MYO9A: variants seen among roughly 807,000 people sequenced by gnomAD.
MYO9A encodes unconventional myosin-IXa.
MYO9A carries 103 observed loss-of-function variants against 293.3 expected under a neutral mutation model. The ratio of observed to expected loss-of-function variants is 0.35; its 90% confidence interval spans 0.30 to 0.41. The LOEUF is 0.41. Among genes scored for constraint, MYO9A ranks in the 10% least tolerant of loss-of-function variants. The pLI is 1.00. For missense variants in MYO9A, 2,685 were observed against 3,033.0 expected (o/e 0.89, Z 2.69); for synonymous variants, 1,001 against 1,035.7 (o/e 0.97, Z 0.64).
intron 1 of MYO9A, among the ~76,000 whole-genome samples, chr15:72,076,223 TA>T: frequency 6.7e-6 from 1 of 150,340 alleles, no homozygotes; most frequent in Admixed American, 6.7e-5. Flanking sequence ...GAGAATCGCT[TA>T]AACCTGGGAG....
intron 39 of MYO9A, among the ~76,000 whole-genome samples, chr15:71,839,562 C>G (rs2055070205): frequency 6.6e-6 from 1 of 152,140 alleles, no homozygotes; most frequent in Non-Finnish European, 1.5e-5. Flanking sequence ...GCATGTACCA[C>G]CATGCCCAGC....
chr15:71,885,330 G>A (rs1358081585), intron 27 of MYO9A, among the ~76,000 whole-genome samples: 2 of 151,856 alleles, frequency 1.3e-5, no homozygotes. Context: ...CACAGTTGAG[G>A]GATGTAATTC....
chr15:71,990,754 CAAAA>C (rs11422716), intron 11 of MYO9A, among the ~76,000 whole-genome samples: 4 of 129,356 alleles, frequency 3.1e-5, no homozygotes, highest in Non-Finnish European at 1.6e-5. Context: ...GAGACTCAGT[CAAAA>C]AAAAAAAAAA....
intron 1 of MYO9A, among the ~76,000 whole-genome samples, chr15:72,081,707 G>A (rs867759332): frequency 1.3e-5 from 2 of 152,150 alleles, no homozygotes; most frequent in African/African-American, 4.8e-5. Context: ...TCCATCTTGA[G>A]TTAATTTTTG....
At chr15:72,042,513 A>G (rs1472583370) in intron 2 of MYO9A, among the ~76,000 whole-genome samples, 2 of 152,166 alleles carry the variant, frequency 1.3e-5, no homozygotes, top group Non-Finnish European at 2.9e-5. Context: ...ATCAAGCTCA[A>G]TGTGACAGAG....
chr15:71,849,108 G>T (rs1222364507), intron 38 of MYO9A, 140 bp from the exon 39 acceptor site: 3 of 840,570 alleles, frequency 3.6e-6, no homozygotes, highest in Non-Finnish European at 5.2e-6. Context: ...CAGAGACAAG[G>T]TTTAGAATGG....
chr15:72,002,111 GC>G (rs1258222495), intron 8 of MYO9A, among the ~76,000 whole-genome samples: 1 of 152,092 alleles, frequency 6.6e-6, no homozygotes, highest in Admixed American at 6.6e-5. Flanking sequence ...AATTTAATGT[GC>G]CTGAACTCAC....
At chr15:71,994,827 G>C (rs2076651532) in intron 9 of MYO9A, among the ~76,000 whole-genome samples, 1 of 152,190 alleles carries the variant, frequency 6.6e-6, no homozygotes, top group Admixed American at 6.6e-5. Flanking sequence ...CCGTCTCCTG[G>C]GTTCAAGTGA....
At chr15:71,878,461 T>A (rs993190028) in intron 30 of MYO9A, among the ~76,000 whole-genome samples, 3 of 152,116 alleles carry the variant, frequency 2.0e-5, no homozygotes, top group Non-Finnish European at 2.9e-5. Context: ...ACGGTAATAA[T>A]TTGAGGAAGT....
intron 32 of MYO9A, among the ~76,000 whole-genome samples, chr15:71,870,139 C>T (rs950177282): frequency 7.3e-5 from 11 of 151,528 alleles, no homozygotes; most frequent in Non-Finnish European, 1.3e-4. Flanking sequence ...GTCCTGCAAG[C>T]TAAGATGGGA....
At chr15:71,959,702 A>C in intron 14 of MYO9A, 199 bp downstream of exon 14, 1 of 569,352 alleles carries the variant, frequency 1.8e-6, no homozygotes. Context: ...TTTTAAAGGC[A>C]GTATAACTCT....
At chr15:71,956,328 A>T (rs866029122) in intron 14 of MYO9A, among the ~76,000 whole-genome samples, 871 of 15,022 alleles carry the variant, frequency 0.058, 9 homozygotes, top group Middle Eastern at 0.14. Flanking sequence ...AAAAAAAAAA[A>T]AAATATATAT....
chr15:71,834,641 G>A (rs995233701), intron 39 of MYO9A, among the ~76,000 whole-genome samples: 3 of 151,898 alleles, frequency 2.0e-5, no homozygotes, highest in African/African-American at 4.8e-5. Flanking sequence ...GCCAGGTGTG[G>A]TGGCACGTGC....
At chr15:71,910,707 C>T (rs886520242) in intron 19 of MYO9A, among the ~76,000 whole-genome samples, 1 of 152,158 alleles carries the variant, frequency 6.6e-6, no homozygotes, top group Admixed American at 6.5e-5. Flanking sequence ...TGGCATTTCC[C>T]TCATGAATAA....
At chr15:72,059,837 C>T (rs1224167458) in intron 1 of MYO9A, among the ~76,000 whole-genome samples, 2 of 152,164 alleles carry the variant, frequency 1.3e-5, no homozygotes, top group Non-Finnish European at 2.9e-5. Context: ...AGACTCAGCG[C>T]TTATTTTTTT....
In MYO9A at chr15:72,008,789, C is replaced by T. The variant is rs374676949; in HGVS notation, c.1254-837G>A. On this transcript the variant is annotated intron_variant, in intron 7 of 41. Coordinates refer to ENST00000356056, the MANE Select transcript of MYO9A (RefSeq NM_006901.4). The stretch of plus-strand genomic sequence containing the variant: ...CACAGCTAAACAATCCACTGAAAAA[C>T]TCTTCCTCAGTCTCCTTATATATAT... Among the ~76,000 whole-genome samples, 27 of 152,268 alleles carry T rather than the reference C, an allele frequency of 1.8e-4. No individual in the cohort carries two copies. In the East Asian group the frequency reaches 5.0e-3, roughly 28 times the overall value.
intron 1 of MYO9A, among the ~76,000 whole-genome samples, chr15:72,099,438 A>AAG (rs771904817): frequency 1.4e-3 from 208 of 150,248 alleles, no homozygotes; most frequent in Non-Finnish European, 2.6e-3. Flanking sequence ...AAAAAAAAAA[A>AAG]AAAAGAAAAA....
intron 9 of MYO9A, 140 bp from the exon 10 acceptor site, chr15:71,994,725 T>C (rs1403314078): frequency 1.1e-5 from 6 of 551,114 alleles, no homozygotes; most frequent in Non-Finnish European, 1.9e-5. Context: ...AAAAAATCTA[T>C]AACTAAAGTT....
chr15:71,828,951 T>C (rs191613172), intron 40 of MYO9A, among the ~76,000 whole-genome samples: 2 of 152,284 alleles, frequency 1.3e-5, no homozygotes, highest in East Asian at 3.9e-4. Flanking sequence ...CAGAGCCCCT[T>C]ACCTTTACTT....
Sources: allele counts gnomAD v4.1 joint callset (sites outside exome capture counted in the v4.1 genomes callset), GRCh38; gene constraint gnomAD v4.1.1; transcripts MANE v1.5; gene names NCBI Gene and HGNC (gene_info 2026-07-23, HGNC 2026-07-21).